WASHC5: variants seen among roughly 807,000 people sequenced by gnomAD.
The protein encoded by WASHC5 is WASH complex subunit strumpellin.
A neutral mutation model predicts 150.4 loss-of-function variants in WASHC5; 101 were observed. The observed-to-expected ratio is 0.67, with a 90% CI of 0.57 to 0.79. The LOEUF is 0.79. Ranked by LOEUF, WASHC5 falls within the 30% of genes least tolerant of loss-of-function variation. The probability of loss-of-function intolerance (pLI) is 0.00; values close to 1 mark genes in which losing one functional copy is unlikely to be tolerated. For missense variants in WASHC5, 1,195 were observed against 1,396.3 expected (o/e 0.86, Z 2.30); for synonymous variants, 467 against 491.2 (o/e 0.95, Z 0.65).
chr8:125,064,701 G>A (rs1261027416), intron 10 of WASHC5, among the ~76,000 whole-genome samples: 3 of 151,690 alleles, frequency 2.0e-5, no homozygotes, highest in Non-Finnish European at 2.9e-5. Flanking sequence ...CTTTTACACC[G>A]GGCTCTTAGG....
intron 17 of WASHC5, among the ~76,000 whole-genome samples, chr8:125,051,392 G>A (rs1169730156): frequency 6.6e-6 from 1 of 152,110 alleles, no homozygotes; most frequent in Non-Finnish European, 1.5e-5. Flanking sequence ...ATTTTAAAAG[G>A]TCATAAAGGC....
intron 9 of WASHC5, 31 bp downstream of exon 9, chr8:125,073,122 A>G (rs757895953): frequency 2.5e-5 from 40 of 1,609,832 alleles, no homozygotes; most frequent in Non-Finnish European, 3.1e-5. Context: ...TATGTGGAGT[A>G]ATATAAACGG....
intron 5 of WASHC5, among the ~76,000 whole-genome samples, chr8:125,080,981 A>C (rs79611042): frequency 0.028 from 4,255 of 152,310 alleles, 212 homozygotes; most frequent in African/African-American, 0.095. Flanking sequence ...TGAAAACTTA[A>C]ACAACAAAAG....
rs202015963 is a variant in WASHC5 at position 125,044,628 on chromosome 8, G to A, written c.2575C>T (p.Arg859Cys). ...MKTHQEVTSSRLFSEIQTTLG... is the reference protein window; with the variant it reads ...MKTHQEVTSSCLFSEIQTTLG... The stretch of plus-strand genomic sequence containing the variant: ...GTGGTCTGGATTTCTGAGAAGAGGC[G>A]GCTGCTGGTCACTTCCTGATGAGTT... Residue 859 changes from arginine to cysteine, a missense_variant, in exon 21 of 29, where the codon CGC becomes TGC. Arg to Cys is a radical substitution (Grantham distance 180). Transcript: ENST00000318410. 5.3e-5 allele frequency: 85 copies of A among 1,613,996 alleles called. No individual in the cohort carries two copies. In the East Asian group the frequency reaches 7.1e-4, roughly 14 times the overall value.
At position 125,084,032 on chromosome 8, in the gene WASHC5, C is replaced by A. The variant is rs16900369; in HGVS notation, c.-124-10G>T. On this transcript the variant is annotated splice_polypyrimidine_tract_variant and intron_variant, in intron 1 of 28. Transcript: ENST00000318410. ...TCCTCCATTAAAGAACCTGTATCCCCAAAAAAAGTGTGAAAATCTCAATTT... is the reference window on the plus strand; with the variant it reads ...TCCTCCATTAAAGAACCTGTATCCCAAAAAAAAGTGTGAAAATCTCAATTT... The A allele has an allele frequency of 0.063, 50,401 of 805,654 alleles. 5,272 individuals carry two copies. The highest frequency in any genetic ancestry group is 0.37 in the African/African-American group (21,358 of 57,010). The allele number at this position is 805,654 out of a possible 1,614,324, so 49.9% of individuals were successfully genotyped here.
intron 17 of WASHC5, among the ~76,000 whole-genome samples, chr8:125,053,855 C>T (rs546680254): frequency 2.6e-5 from 4 of 152,262 alleles, no homozygotes; most frequent in South Asian, 2.1e-4. Context: ...ATACTTTATA[C>T]CTCTTGGGAG....
chr8:125,076,260 A>T (rs1420070400), intron 7 of WASHC5, 88 bp downstream of exon 7: 1 of 1,235,754 alleles, frequency 8.1e-7, no homozygotes, highest in African/African-American at 1.5e-5. Context: ...TATTTACAAC[A>T]TTACAACCTG....
chr8:125,047,070 C>T lies in WASHC5; in HGVS notation c.2504+137G>A. The T allele has an allele frequency of 4.7e-6, 5 of 1,065,616 alleles. No individual in the cohort carries two copies. In the South Asian group the frequency reaches 5.2e-5, roughly 11 times the overall value. The allele number at this position is 1,065,616 out of a possible 1,614,324, so 66.0% of individuals were successfully genotyped here. A position where few individuals can be genotyped will look rare whatever the true frequency, so the allele number is the denominator to read the frequency against. Reference sequence around the variant, plus strand: ...GTCTGCAGCGCAGGGGTTAGGGACCCTTGCCCTAAAGGGTCAGAATATGAG... The same window carrying T: ...GTCTGCAGCGCAGGGGTTAGGGACCTTTGCCCTAAAGGGTCAGAATATGAG... On this transcript the variant is annotated intron_variant, in intron 20 of 28. Coordinates refer to ENST00000318410, the MANE Select transcript of WASHC5 (RefSeq NM_014846.4).
chr8:125,069,481 C>T (rs1411643016), intron 9 of WASHC5, among the ~76,000 whole-genome samples: 5 of 152,116 alleles, frequency 3.3e-5, no homozygotes, highest in Non-Finnish European at 5.9e-5. Flanking sequence ...TTACATGTGC[C>T]CCCTCCTGCC....
At chr8:125,030,893 T>C (rs932200063) in intron 27 of WASHC5, among the ~76,000 whole-genome samples, 1 of 152,128 alleles carries the variant, frequency 6.6e-6, no homozygotes, top group African/African-American at 2.4e-5. Flanking sequence ...AAGGGGCTTA[T>C]CTAAACATTG....
intron 26 of WASHC5, among the ~76,000 whole-genome samples, chr8:125,034,645 A>T (rs540097924): frequency 6.4e-4 from 98 of 152,326 alleles, no homozygotes; most frequent in African/African-American, 2.2e-3. Flanking sequence ...TTTCTTATCA[A>T]GTTAACTGGT....
At chr8:125,080,819 T>C (rs1817236152) in intron 5 of WASHC5, among the ~76,000 whole-genome samples, 1 of 152,230 alleles carries the variant, frequency 6.6e-6, no homozygotes, top group African/African-American at 2.4e-5. Context: ...TTTGTGGATA[T>C]GTGCTGTTGC....
At chr8:125,032,524 T>C (rs1815572011) in intron 26 of WASHC5, 130 bp from the exon 27 acceptor site, 3 of 1,041,560 alleles carry the variant, frequency 2.9e-6, no homozygotes, top group Middle Eastern at 2.9e-4. Flanking sequence ...TTGGAGGGAA[T>C]GACAATTCTG....
chr8:125,078,070 AT>A (rs2130187313), intron 6 of WASHC5, among the ~76,000 whole-genome samples: 1 of 152,336 alleles, frequency 6.6e-6, no homozygotes, highest in South Asian at 2.1e-4. Context: ...ATTTTTACAA[AT>A]ATTTAAATAT....
At chr8:125,055,745 A>T in intron 16 of WASHC5, 74 bp from the exon 17 acceptor site, 1 of 948,416 alleles carries the variant, frequency 1.1e-6, no homozygotes, top group Non-Finnish European at 1.7e-6. Context: ...ACAGGAAAAG[A>T]ACTTGTAGCT....
chr8:125,090,904 T>G (rs539183542), intron 1 of WASHC5, among the ~76,000 whole-genome samples: 4 of 152,230 alleles, frequency 2.6e-5, no homozygotes, highest in Non-Finnish European at 5.9e-5. Flanking sequence ...GAAATGAGGC[T>G]GAACCTGAAA....
chr8:125,042,945 G>A (rs1015243538), intron 23 of WASHC5, among the ~76,000 whole-genome samples: 1 of 152,178 alleles, frequency 6.6e-6, no homozygotes, highest in Non-Finnish European at 1.5e-5. Context: ...CTGTCTCAAT[G>A]AGAAACTTAT....
intron 1 of WASHC5, among the ~76,000 whole-genome samples, chr8:125,085,738 T>C (rs1422903709): frequency 6.6e-6 from 1 of 152,044 alleles, no homozygotes; most frequent in Non-Finnish European, 1.5e-5. Flanking sequence ...ATAGCAGGGG[T>C]GAGCAGATGG....
chr8:125,050,238 A>C (rs1210604745), intron 18 of WASHC5, among the ~76,000 whole-genome samples: 3 of 152,172 alleles, frequency 2.0e-5, no homozygotes, highest in Non-Finnish European at 2.9e-5. Flanking sequence ...TAGGGTTACC[A>C]AATTCTTTTA....
Sources: allele counts gnomAD v4.1 joint callset (sites outside exome capture counted in the v4.1 genomes callset), GRCh38; gene constraint gnomAD v4.1.1; transcripts MANE v1.5; gene names NCBI Gene and HGNC (gene_info 2026-07-23, HGNC 2026-07-21).